Variants in SLC17A1 observed in about 807,000 individuals in gnomAD.
The protein encoded by SLC17A1 is sodium-dependent phosphate transport protein 1.
SLC17A1 carries 51 observed loss-of-function variants against 53.5 expected under a neutral mutation model. That is an observed-to-expected ratio of 0.95 (90% CI 0.76 to 1.20). The LOEUF (loss-of-function observed/expected upper bound fraction) is 1.20, where lower values mean the gene tolerates loss of function less well. Among genes scored for constraint, SLC17A1 ranks in the 50% most tolerant of loss-of-function variants. SLC17A1 has a pLI of 0.00. For missense variants in SLC17A1, 538 were observed against 568.2 expected (o/e 0.95, Z 0.54); for synonymous variants, 179 against 198.8 (o/e 0.90, Z 0.84).
At chr6:25,811,798 G>C in intron 8 of SLC17A1, 28 bp from the exon 9 acceptor site, 1 of 1,612,624 alleles carries the variant, frequency 6.2e-7, no homozygotes, top group Non-Finnish European at 8.5e-7. Context: ...TTCTTGGAGT[G>C]AGTTTGATGG....
In SLC17A1 at chr6:25,783,063, A is replaced by G. The variant is rs1763300766; in HGVS notation, c.*158T>C. The G allele has an allele frequency of 6.6e-6, 1 of 152,166 alleles. No homozygotes were observed. The highest frequency in any genetic ancestry group is 2.4e-5 in the African/African-American group (1 of 41,432). The allele number at this position is 152,166 out of a possible 1,614,324, so 9.4% of individuals were successfully genotyped here. A position where few individuals can be genotyped will look rare whatever the true frequency, so the allele number is the denominator to read the frequency against. On this transcript the variant is annotated 3_prime_UTR_variant, in exon 13 of 13. Transcript: ENST00000244527. ...CAACACATGTTAAAAAACGATGCAC[A>G]CAGGATATGTGGGAGGGTAAAACTG...
the SLC17A1 span, among the ~76,000 whole-genome samples, chr6:25,764,265 T>TGTTACTGTGGAGACCAGAGAAGGGTGGGA: frequency 6.6e-6 from 1 of 152,204 alleles, no homozygotes; most frequent in African/African-American, 2.4e-5. Context: ...TTTGTCCCTC[T>TGTTACTGTGGAGACCAGAGAAGGGTGGGA]GTTACTGTGG....
At chr6:25,741,931 C>T in the SLC17A1 span, among the ~76,000 whole-genome samples, 1 of 152,012 alleles carries the variant, frequency 6.6e-6, no homozygotes, top group Non-Finnish European at 1.5e-5. Flanking sequence ...TATCCTTGGC[C>T]GACAGACAAA....
intron 3 of SLC17A1, among the ~76,000 whole-genome samples, chr6:25,824,197 C>T (rs1175058374): frequency 6.6e-6 from 1 of 151,626 alleles, no homozygotes; most frequent in Non-Finnish European, 1.5e-5. Flanking sequence ...TATGCAACAA[C>T]AAAAGCACAA....
the SLC17A1 span, chr6:25,773,311 C>T: frequency 1.2e-6 from 2 of 1,613,926 alleles, no homozygotes; most frequent in Non-Finnish European, 1.7e-6. Context: ...CTCTGGTTTC[C>T]TCTCATTTAT....
chr6:25,744,046 G>A, the SLC17A1 span, among the ~76,000 whole-genome samples: 9 of 152,306 alleles, frequency 5.9e-5, no homozygotes, highest in South Asian at 1.9e-3. Context: ...GAGAGTCATT[G>A]AAGGCACTAG....
chr6:25,755,549 A>G, the SLC17A1 span, among the ~76,000 whole-genome samples: 1 of 134,526 alleles, frequency 7.4e-6, no homozygotes, highest in Admixed American at 7.3e-5. Context: ...TCCAAAAAGA[A>G]CAGACACAAG....
chr6:25,816,027 C>T (rs923323870), intron 6 of SLC17A1, among the ~76,000 whole-genome samples: 6 of 151,790 alleles, frequency 4.0e-5, no homozygotes, highest in East Asian at 1.9e-4. Context: ...TTTTCTTGTA[C>T]CAGACCCCAC....
chr6:25,796,209 G>A (rs1763598907), intron 12 of SLC17A1, among the ~76,000 whole-genome samples: 1 of 152,048 alleles, frequency 6.6e-6, no homozygotes, highest in African/African-American at 2.4e-5. Context: ...ATAAGCTTTT[G>A]TATTTTTAAA....
At chr6:25,767,437 T>A in the SLC17A1 span, among the ~76,000 whole-genome samples, 1 of 152,174 alleles carries the variant, frequency 6.6e-6, no homozygotes, top group Non-Finnish European at 1.5e-5. Flanking sequence ...GACTCTGTTA[T>A]TAATCTCATT....
chr6:25,777,056 C>A, the SLC17A1 span: 1 of 1,344,384 alleles, frequency 7.4e-7, no homozygotes, highest in Non-Finnish European at 1.0e-6. Context: ...GCAGGTACAA[C>A]AGGTTGCAGG....
chr6:25,787,211 G>C (rs1323934449), intron 12 of SLC17A1, among the ~76,000 whole-genome samples: 1 of 152,024 alleles, frequency 6.6e-6, no homozygotes, highest in African/African-American at 2.4e-5. Flanking sequence ...TTGGAGGCCA[G>C]GTGCAGTGGC....
chr6:25,735,709 T>C, the SLC17A1 span, among the ~76,000 whole-genome samples: 2 of 152,220 alleles, frequency 1.3e-5, no homozygotes, highest in Non-Finnish European at 2.9e-5. Context: ...CATTCTGACA[T>C]TACTTTCTAA....
At chr6:25,762,053 G>C in the SLC17A1 span, 7 of 1,612,356 alleles carry the variant, frequency 4.3e-6, no homozygotes, top group African/African-American at 1.3e-5. Flanking sequence ...CTCCAGGAAA[G>C]GTAAAATCAT....
chr6:25,777,036 G>A, the SLC17A1 span: 1 of 1,471,938 alleles, frequency 6.8e-7, no homozygotes. Context: ...TGATGTGAAA[G>A]TAAAATGTGG....
At position 25,826,498 on chromosome 6, in the gene SLC17A1, G is replaced by A; in HGVS notation, c.170C>T (p.Pro57Leu). ...MVNSTDPHGLPNTSTKKLLDN... is the reference protein window; with the variant it reads ...MVNSTDPHGLLNTSTKKLLDN... Reference sequence around the variant, plus strand: ...CAGGAGCTTCTTTGTGGAGGTGTTGGGCAAACCATGTGGATCTGTGCTATT... The same window carrying A: ...CAGGAGCTTCTTTGTGGAGGTGTTGAGCAAACCATGTGGATCTGTGCTATT... The change falls in exon 3 of 13, where the codon CCC becomes CTC. Residue 57 changes from proline to leucine, a missense_variant. Transcript: ENST00000244527. 6.2e-7 allele frequency: 1 copy of A among 1,610,346 alleles called. No individual in the cohort carries two copies. The highest frequency in any genetic ancestry group is 2.2e-5 in the East Asian group (1 of 44,734).
At chr6:25,735,566 CTT>C in the SLC17A1 span, among the ~76,000 whole-genome samples, 15 of 145,624 alleles carry the variant, frequency 1.0e-4, no homozygotes, top group Admixed American at 6.9e-5. Flanking sequence ...AGTTTTTTCA[CTT>C]TTTTTTTTTT....
chr6:25,804,860 C>G (rs1032972349), intron 10 of SLC17A1, among the ~76,000 whole-genome samples: 1 of 152,048 alleles, frequency 6.6e-6, no homozygotes, highest in Non-Finnish European at 1.5e-5. Flanking sequence ...GTGGACCTAA[C>G]ATTGGAGCTC....
chr6:25,732,034 T>C, the SLC17A1 span: 1 of 1,438,762 alleles, frequency 7.0e-7, no homozygotes, highest in Non-Finnish European at 9.5e-7. Flanking sequence ...TTCAGCAGCT[T>C]GTAGATGTAA....
Sources: gnomAD v4.1 joint callset for allele counts (sites outside exome capture counted in the v4.1 genomes callset) on GRCh38, gnomAD v4.1.1 for gene constraint, MANE v1.5 for transcripts, NCBI Gene and HGNC (gene_info 2026-07-23, HGNC 2026-07-21) for gene names.